Variants in CHM observed in about 807,000 individuals in gnomAD.
CHM encodes rab proteins geranylgeranyltransferase component A 1.
Under a neutral mutation model 49.0 loss-of-function variants are expected in CHM, and 10 were observed. The ratio of observed to expected loss-of-function variants is 0.20; its 90% confidence interval spans 0.13 to 0.35. The LOEUF (loss-of-function observed/expected upper bound fraction) is 0.35. Among genes scored for constraint, CHM ranks in the 10% least tolerant of loss-of-function variants. CHM has a pLI of 1.00. For synonymous variants in CHM, 184 were observed against 167.5 expected, an observed-to-expected ratio of 1.10 and a Z score of -0.76; for missense variants, 455 against 478.4, an observed-to-expected ratio of 0.95 and a Z score of 0.46.
intron 2 of CHM, among the ~76,000 whole-genome samples, chrX:85,995,527 TAG>T (rs1034205686): frequency 1.6e-4 from 18 of 111,789 alleles, no homozygotes; most frequent in African/African-American, 5.9e-4. Context: ...CAGCTTATCT[TAG>T]AGAAAAGAGC....
chrX:86,010,235 AGG>A, intron 2 of CHM, among the ~76,000 whole-genome samples: 1 of 99,782 alleles, frequency 1.0e-5, no homozygotes, highest in Non-Finnish European at 2.0e-5. Context: ...GGATAGTGTT[AGG>A]AGAAATACCT....
chrX:86,002,878 GC>G (rs1932771802), intron 2 of CHM, among the ~76,000 whole-genome samples: 1 of 112,190 alleles, frequency 8.9e-6, no homozygotes, highest in South Asian at 3.7e-4. Context: ...TCTGAAGAGA[GC>G]AGTCGTTCTC....
At chrX:86,041,289 G>A (rs1603287219) in intron 1 of CHM, among the ~76,000 whole-genome samples, 1 of 111,416 alleles carries the variant, frequency 9.0e-6, no homozygotes, top group South Asian at 3.8e-4. Context: ...ATCTCCCAGA[G>A]AGTCTTCTCC....
chrX:85,894,251 C>G lies in CHM; in HGVS notation c.1447G>C (p.Gly483Arg). 2 of 1,210,163 alleles carry G rather than the reference C, an allele frequency of 1.7e-6. No homozygotes were observed. Among genetic ancestry groups the G allele is most frequent in the Non-Finnish European group, 2.2e-6 (2 of 894,406 alleles). ...TCAATGACCCGAACAGCAAAAGTTC[C>G]TGGTTCCTCTGCTGGCACTGTCAAA... ...SILTVPAEEP[G>R]TFAVRVIELC... The change falls in exon 12 of 15, where the codon GGA becomes CGA. Residue 483 changes from glycine to arginine, a missense_variant. Transcript: ENST00000357749.
intron 11 of CHM, among the ~76,000 whole-genome samples, chrX:85,900,295 T>C (rs941692867): frequency 8.9e-6 from 1 of 111,793 alleles, no homozygotes; most frequent in African/African-American, 3.2e-5. Flanking sequence ...ATTGCACTTA[T>C]ATGTGAAATA....
chrX:85,965,017 C>T (rs886680543), intron 4 of CHM, among the ~76,000 whole-genome samples: 4 of 100,306 alleles, frequency 4.0e-5, no homozygotes, highest in African/African-American at 1.3e-4. Flanking sequence ...ATATCAAATA[C>T]CCCACAAAAA....
Position 86,040,779 on chromosome X carries a change from T to A in CHM, c.49+6705A>T, listed in dbSNP as rs773780816. Among the ~76,000 whole-genome samples the A allele has an allele frequency of 8.0e-5, 9 of 112,279 alleles. No homozygotes were observed. In the Admixed American group the frequency reaches 8.5e-4, roughly 11 times the overall value. Reference sequence around the variant, plus strand: ...GCAGTATCTGTGATAAATTATCAACTCTTTTTACACCAAACCTTAAATGAA... The same window carrying A: ...GCAGTATCTGTGATAAATTATCAACACTTTTTACACCAAACCTTAAATGAA... On this transcript the variant is annotated intron_variant, in intron 1 of 14. Transcript: ENST00000357749.
Position 86,047,538 on chromosome X carries a change from C to A in CHM, c.-6G>T. 8.3e-7 allele frequency: 1 copy of A among 1,200,195 alleles called. No individual in the cohort carries two copies. The highest frequency in any genetic ancestry group is 1.1e-6 in the Non-Finnish European group (1 of 887,336). On this transcript the variant is annotated 5_prime_UTR_variant, in exon 1 of 15. Transcript: ENST00000357749. The stretch of plus-strand genomic sequence containing the variant: ...GAAGGGAGAGTATCCGCCATCTTGA[C>A]GGGAAACGTGTCATGTGACTATTAC...
chrX:85,973,649 G>A (rs779522660), intron 4 of CHM, among the ~76,000 whole-genome samples: 2 of 111,531 alleles, frequency 1.8e-5, no homozygotes, highest in South Asian at 7.5e-4. Flanking sequence ...GCCAGATTAT[G>A]GATTTGAATT....
intron 14 of CHM, among the ~76,000 whole-genome samples, chrX:85,870,751 C>A (rs1280672262): frequency 9.0e-6 from 1 of 111,496 alleles, no homozygotes; most frequent in Non-Finnish European, 1.9e-5. Context: ...CAAAAATGAG[C>A]AAGTCATAGA....
At chrX:86,026,280 C>T (rs1245950418) in intron 2 of CHM, among the ~76,000 whole-genome samples, 5 of 106,088 alleles carry the variant, frequency 4.7e-5, no homozygotes, top group Non-Finnish European at 9.7e-5. Flanking sequence ...TGCACCACCA[C>T]GCCCAGCTAA....
chrX:85,931,316 C>CA (rs1434615315), intron 8 of CHM, among the ~76,000 whole-genome samples: 3 of 110,331 alleles, frequency 2.7e-5, no homozygotes, highest in African/African-American at 9.9e-5. Context: ...AAAAAAATAG[C>CA]AAAAAAATAA....
At chrX:85,949,978 A>AATATATATATACAT (rs1929643785) in intron 8 of CHM, among the ~76,000 whole-genome samples, 1 of 42,807 alleles carries the variant, frequency 2.3e-5, no homozygotes, top group Non-Finnish European at 4.4e-5. Flanking sequence ...ACTGAAATTA[A>AATATATATATACAT]ATATATATAT....
chrX:86,000,444 G>A (rs927176911), intron 2 of CHM, among the ~76,000 whole-genome samples: 9 of 103,994 alleles, frequency 8.7e-5, no homozygotes, highest in African/African-American at 3.2e-4. Flanking sequence ...AAAACAGTAT[G>A]GAGGGTCCTC....
chrX:85,949,557 T>C (rs1222513226), intron 8 of CHM, among the ~76,000 whole-genome samples: 2 of 110,006 alleles, frequency 1.8e-5, no homozygotes, highest in African/African-American at 6.6e-5. Flanking sequence ...AAGAAAACCA[T>C]AGAACTCCCC....
At chrX:85,869,299 T>A (rs938482054) in intron 14 of CHM, among the ~76,000 whole-genome samples, 1 of 111,741 alleles carries the variant, frequency 8.9e-6, no homozygotes, top group African/African-American at 3.3e-5. Flanking sequence ...TAACATTTAA[T>A]ACAAATATTA....
intron 1 of CHM, among the ~76,000 whole-genome samples, chrX:86,046,455 G>T (rs1433381430): frequency 8.9e-6 from 1 of 112,079 alleles, no homozygotes; most frequent in Non-Finnish European, 1.9e-5. Context: ...TTCGAAAACA[G>T]GTAGCTATTA....
chrX:85,973,296 TCGA>T (rs1931055873), intron 4 of CHM, among the ~76,000 whole-genome samples: 1 of 19,213 alleles, frequency 5.2e-5, no homozygotes, highest in Non-Finnish European at 8.6e-5. Flanking sequence ...AGACTCTGTC[TCGA>T]CAAAAAAAAA....
At chrX:85,999,595 T>G (rs4332281) in intron 2 of CHM, among the ~76,000 whole-genome samples, 29,088 of 111,170 alleles carry the variant, frequency 0.26, 3,408 homozygotes, top group Admixed American at 0.38. Flanking sequence ...TTACTACACC[T>G]CCATTTAACA....
Sources: gnomAD v4.1 joint callset for allele counts (sites outside exome capture counted in the v4.1 genomes callset) on GRCh38, gnomAD v4.1.1 for gene constraint, MANE v1.5 for transcripts, NCBI Gene and HGNC (gene_info 2026-07-23, HGNC 2026-07-21) for gene names.